Variants in RALY observed in about 807,000 individuals in gnomAD.
RALY encodes RALY heterogeneous nuclear ribonucleoprotein.
A neutral mutation model predicts 30.7 loss-of-function variants in RALY; 15 were observed. The ratio of observed to expected loss-of-function variants is 0.49; its 90% CI spans 0.33 to 0.75. RALY has a LOEUF of 0.75. Ranked by LOEUF, RALY falls within the 30% of genes least tolerant of loss-of-function variation. The pLI is 0.02. For missense variants in RALY, 339 were observed against 414.3 expected (o/e 0.82, Z 1.58); for synonymous variants, 177 against 170.8 (o/e 1.04, Z -0.28).
intron 1 of RALY, among the ~76,000 whole-genome samples, chr20:34,022,253 C>T (rs1460229304): frequency 6.6e-6 from 1 of 152,026 alleles, no homozygotes; most frequent in South Asian, 2.1e-4. Flanking sequence ...ATTCTCTTCT[C>T]TATACCTTAT....
intron 2 of RALY, among the ~76,000 whole-genome samples, chr20:34,056,270 C>G (rs771592014): frequency 5.3e-5 from 8 of 152,228 alleles, no homozygotes; most frequent in Non-Finnish European, 1.0e-4. Flanking sequence ...AATGTACTCT[C>G]TTACCTGTGT....
intron 1 of RALY, among the ~76,000 whole-genome samples, chr20:34,026,255 CA>C (rs1388882106): frequency 3.3e-5 from 5 of 152,030 alleles, no homozygotes; most frequent in African/African-American, 7.2e-5. Context: ...TTTGGACAAG[CA>C]AACTCCCTTC....
chr20:34,049,841 T>C (rs2033016186), intron 2 of RALY, among the ~76,000 whole-genome samples: 1 of 152,238 alleles, frequency 6.6e-6, no homozygotes, highest in African/African-American at 2.4e-5. Flanking sequence ...GCTCTTATTT[T>C]GAAAAGTATA....
intron 1 of RALY, among the ~76,000 whole-genome samples, chr20:34,024,992 A>G (rs2031965424): frequency 2.0e-5 from 3 of 152,178 alleles, no homozygotes; most frequent in African/African-American, 7.2e-5. Flanking sequence ...CTGGAACCCA[A>G]CTGTCAAATA....
At chr20:34,029,369 C>T (rs1291477242) in intron 1 of RALY, among the ~76,000 whole-genome samples, 4 of 151,374 alleles carry the variant, frequency 2.6e-5, no homozygotes, top group Non-Finnish European at 5.9e-5. Flanking sequence ...CCCGGGGGGC[C>T]GGGGGTTGCA....
rs1252740058 is a variant in RALY at position 34,083,810 on chromosome 20, G to A, written c.*3905G>A. Reference sequence around the variant, plus strand: ...TGTCTGACAAGACCACAGAAATAGAGAAGGCAAAGCAGAGCAAAAGATTCT... The same window carrying A: ...TGTCTGACAAGACCACAGAAATAGAAAAGGCAAAGCAGAGCAAAAGATTCT... On this transcript the variant is annotated 3_prime_UTR_variant, in exon 10 of 10. Coordinates refer to ENST00000246194, the MANE Select transcript of RALY (RefSeq NM_016732.3). The A allele has an allele frequency of 6.6e-6, 1 of 152,252 alleles. No homozygotes were observed. Among genetic ancestry groups the A allele is most frequent in the Non-Finnish European group, 1.5e-5 (1 of 68,060 alleles). The allele number at this position is 152,252 out of a possible 1,614,324, so 9.4% of individuals were successfully genotyped here. A position where few individuals can be genotyped will look rare whatever the true frequency, so the allele number is the denominator to read the frequency against.
chr20:34,008,200 G>C, intron 1 of RALY, among the ~76,000 whole-genome samples: 1 of 152,104 alleles, frequency 6.6e-6, no homozygotes. Flanking sequence ...ACTTTTCTTT[G>C]GATTGAGTTA....
At chr20:34,022,421 T>C (rs1390738779) in intron 1 of RALY, among the ~76,000 whole-genome samples, 1 of 152,132 alleles carries the variant, frequency 6.6e-6, no homozygotes, top group African/African-American at 2.4e-5. Context: ...GGGCTTATGA[T>C]ACTTTGAGAC....
At chr20:34,032,136 A>AT (rs753420845) in intron 2 of RALY, among the ~76,000 whole-genome samples, 5 of 152,008 alleles carry the variant, frequency 3.3e-5, no homozygotes, top group Non-Finnish European at 5.9e-5. Context: ...CTAATTTTGT[A>AT]TTTTTTAGTA....
chr20:33,998,670 A>G (rs1174726790), intron 1 of RALY, among the ~76,000 whole-genome samples: 3 of 152,162 alleles, frequency 2.0e-5, no homozygotes, highest in South Asian at 2.1e-4. Context: ...TGAGGGGGCC[A>G]TGATTCAATG....
rs559879624 is a variant in RALY, at chr20:34,016,236, C to G, written c.-92-15286C>G. ...TCATAACAGACATTTTAGTTTCAGA[C>G]TAGTTTTGAAAGGAAATGTTCTTTG... On this transcript the variant is annotated intron_variant, in intron 1 of 9. Coordinates refer to ENST00000246194, the MANE Select transcript of RALY (RefSeq NM_016732.3). Among the ~76,000 whole-genome samples the G allele has an allele frequency of 2.6e-5, 4 of 152,318 alleles. No homozygotes were observed. The East Asian group carries it at 5.8e-4, about 22-fold the overall frequency.
chr20:34,058,315 A>G (rs1601486519), intron 2 of RALY, among the ~76,000 whole-genome samples: 1 of 152,138 alleles, frequency 6.6e-6, no homozygotes, highest in South Asian at 2.1e-4. Flanking sequence ...CATCTTGGAC[A>G]TAAGCGTGCA....
intron 2 of RALY, among the ~76,000 whole-genome samples, chr20:34,053,383 ATTTTT>A (rs60912814): frequency 2.5e-3 from 133 of 54,128 alleles, no homozygotes; most frequent in African/African-American, 9.7e-3. Context: ...ATGTTCAATA[ATTTTT>A]TTTTTTTTTT....
intron 1 of RALY, among the ~76,000 whole-genome samples, chr20:34,008,271 T>A (rs1302360537): frequency 6.6e-6 from 1 of 152,214 alleles, no homozygotes; most frequent in African/African-American, 2.4e-5. Context: ...TTATTGCTTT[T>A]ATGGAGATGC....
At chr20:34,043,614 T>C (rs1389954173) in intron 2 of RALY, among the ~76,000 whole-genome samples, 1 of 152,214 alleles carries the variant, frequency 6.6e-6, no homozygotes, top group Non-Finnish European at 1.5e-5. Context: ...TGCCCTTTTC[T>C]TTCCAGTCCT....
At position 34,055,124 on chromosome 20, in the gene RALY, T is replaced by A. The variant is rs577163621; in HGVS notation, c.-9-16942T>A. Reference sequence around the variant, plus strand: ...TTTACCCAGGATCATACAGCCAACGTATAGCAGAGCTGGGATTTGAACCCC... The same window carrying A: ...TTTACCCAGGATCATACAGCCAACGAATAGCAGAGCTGGGATTTGAACCCC... On this transcript the variant is annotated intron_variant, in intron 2 of 9. Coordinates refer to ENST00000246194, the MANE Select transcript of RALY (RefSeq NM_016732.3). Among the ~76,000 whole-genome samples, 7 of 152,284 alleles carry A rather than the reference T, an allele frequency of 4.6e-5. No homozygotes were observed. The South Asian group carries it at 1.4e-3, about 32-fold the overall frequency.
chr20:34,045,230 T>TG (rs1389672393), intron 2 of RALY, among the ~76,000 whole-genome samples: 3 of 152,118 alleles, frequency 2.0e-5, no homozygotes, highest in Non-Finnish European at 4.4e-5. Flanking sequence ...CTTATTTTAA[T>TG]GGGGAAAACA....
At chr20:34,029,040 G>T (rs2032161982) in intron 1 of RALY, among the ~76,000 whole-genome samples, 1 of 152,092 alleles carries the variant, frequency 6.6e-6, no homozygotes, top group Non-Finnish European at 1.5e-5. Context: ...AGGAGGGGTA[G>T]GGGAGACTAG....
intron 2 of RALY, among the ~76,000 whole-genome samples, chr20:34,070,379 G>A (rs1470047427): frequency 6.6e-6 from 1 of 152,018 alleles, no homozygotes; most frequent in African/African-American, 2.4e-5. Flanking sequence ...TTTCCTCTTG[G>A]AGCCTATGCC....
Sources: gnomAD v4.1 joint callset for allele counts (sites outside exome capture counted in the v4.1 genomes callset) on GRCh38, gnomAD v4.1.1 for gene constraint, MANE v1.5 for transcripts, NCBI Gene and HGNC (gene_info 2026-07-23, HGNC 2026-07-21) for gene names.